Variants in ANK3 observed in about 807,000 individuals in gnomAD.
ANK3 encodes ankyrin-3.
Under a neutral mutation model 370.9 loss-of-function variants are expected in ANK3, and 57 were observed. The observed-to-expected ratio is 0.15, with a 90% CI of 0.12 to 0.19. The LOEUF is 0.19. ANK3 is among the 10% of genes least tolerant of loss of function. The pLI, the probability that ANK3 is intolerant of heterozygous loss-of-function variation, is 1.00. For synonymous variants in ANK3, 1,929 were observed against 1,946.3 expected (o/e 0.99, Z 0.23); for missense variants, 4,439 against 5,302.1 (o/e 0.84, Z 5.06).
intron 2 of ANK3, among the ~76,000 whole-genome samples, chr10:60,479,145 C>G (rs558149391): frequency 5.3e-4 from 81 of 152,170 alleles, no homozygotes; most frequent in African/African-American, 1.9e-3. Flanking sequence ...GTAATAAAAG[C>G]ATCATAGCAA....
chr10:60,603,039 C>T (rs1426947547), intron 2 of ANK3, among the ~76,000 whole-genome samples: 2 of 152,016 alleles, frequency 1.3e-5, no homozygotes, highest in African/African-American at 4.8e-5. Flanking sequence ...GTATCTGCTC[C>T]ACTCGTCTTG....
chr10:60,268,659 T>C (rs533909741), intron 5 of ANK3, among the ~76,000 whole-genome samples: 4 of 151,862 alleles, frequency 2.6e-5, no homozygotes, highest in Non-Finnish European at 5.9e-5. Context: ...AATATTTCTA[T>C]AATATAACTT....
At chr10:60,198,615 A>G in intron 13 of ANK3, 78 bp from the exon 14 acceptor site, 2 of 1,340,356 alleles carry the variant, frequency 1.5e-6, no homozygotes, top group Non-Finnish European at 1.1e-6. Context: ...AGGGAATATT[A>G]GCTGCTTGAT....
intron 26 of ANK3, 40 bp from the exon 27 acceptor site, chr10:60,109,094 T>C: frequency 2.0e-6 from 3 of 1,513,220 alleles, no homozygotes; most frequent in Non-Finnish European, 2.7e-6. Context: ...AGGACGGAAA[T>C]AAACTGTGCT....
chr10:60,054,797 A>G (rs2078824644), intron 42 of ANK3, among the ~76,000 whole-genome samples: 1 of 152,236 alleles, frequency 6.6e-6, no homozygotes, highest in South Asian at 2.1e-4. Context: ...TGCAAGTGCT[A>G]CTATTAATCT....
At chr10:60,174,805 T>C (rs1050955609) in intron 18 of ANK3, among the ~76,000 whole-genome samples, 1 of 152,070 alleles carries the variant, frequency 6.6e-6, no homozygotes, top group Admixed American at 6.5e-5. Context: ...GATGGGATCA[T>C]GGCTCACTGC....
chr10:60,290,148 C>T (rs2040994963), intron 1 of ANK3, among the ~76,000 whole-genome samples: 1 of 152,194 alleles, frequency 6.6e-6, no homozygotes, highest in South Asian at 2.1e-4. Context: ...CAACCAATTA[C>T]ACAAACGAAA....
chr10:60,083,391 G>A (rs565919979), intron 33 of ANK3, 101 bp downstream of exon 33: 55 of 1,246,798 alleles, frequency 4.4e-5, no homozygotes, highest in South Asian at 3.5e-4. Context: ...CAGATTTGAC[G>A]GGGTATTTCA....
intron 8 of ANK3, among the ~76,000 whole-genome samples, chr10:60,216,330 C>T (rs1410007874): frequency 6.6e-6 from 1 of 152,094 alleles, no homozygotes; most frequent in Non-Finnish European, 1.5e-5. Flanking sequence ...ACAGGGCATC[C>T]TTGTTTGTAC....
At chr10:60,670,180 C>G (rs1239842813) in intron 1 of ANK3, among the ~76,000 whole-genome samples, 1 of 152,062 alleles carries the variant, frequency 6.6e-6, no homozygotes, top group Non-Finnish European at 1.5e-5. Context: ...TCTGACCTCC[C>G]CCCAAACAAC....
At chr10:60,149,855 CCCA>C (rs2095021768) in intron 23 of ANK3, among the ~76,000 whole-genome samples, 1 of 152,172 alleles carries the variant, frequency 6.6e-6, no homozygotes, top group African/African-American at 2.4e-5. Flanking sequence ...ATTACAGGCA[CCCA>C]CCACCACGCC....
At chr10:60,562,860 T>A (rs958852) in intron 2 of ANK3, among the ~76,000 whole-genome samples, 102,562 of 151,628 alleles carry the variant, frequency 0.68, 35,382 homozygotes, top group South Asian at 0.88. Context: ...GACAAAGAAC[T>A]CCATTGTATG....
intron 2 of ANK3, among the ~76,000 whole-genome samples, chr10:60,472,295 AC>A (rs1456437212): frequency 6.6e-6 from 1 of 152,146 alleles, no homozygotes; most frequent in Non-Finnish European, 1.5e-5. Context: ...ATTATTTGAG[AC>A]TAACTCAAGG....
intron 1 of ANK3, among the ~76,000 whole-genome samples, chr10:60,365,376 C>T (rs1293543148): frequency 6.6e-6 from 1 of 152,086 alleles, no homozygotes; most frequent in Non-Finnish European, 1.5e-5. Context: ...CACCTATCAC[C>T]ATTTTCCTTG....
At chr10:60,199,516 A>G (rs1461855154) in intron 13 of ANK3, among the ~76,000 whole-genome samples, 1 of 152,170 alleles carries the variant, frequency 6.6e-6, no homozygotes, top group Non-Finnish European at 1.5e-5. Context: ...TAGAGACTGC[A>G]GACTTGTGCA....
At chr10:60,542,422 T>A (rs758862147) in intron 2 of ANK3, among the ~76,000 whole-genome samples, 1 of 151,922 alleles carries the variant, frequency 6.6e-6, no homozygotes, top group Non-Finnish European at 1.5e-5. Context: ...GGCTGTATTC[T>A]CTTTTATAAG....
At chr10:60,613,484 T>G (rs1291589261) in intron 2 of ANK3, among the ~76,000 whole-genome samples, 5 of 152,152 alleles carry the variant, frequency 3.3e-5, no homozygotes, top group Non-Finnish European at 7.4e-5. Flanking sequence ...ATTGAGAAAG[T>G]AAATACAATA....
At chr10:60,633,701 T>C (rs2078514882) in intron 1 of ANK3, among the ~76,000 whole-genome samples, 1 of 152,182 alleles carries the variant, frequency 6.6e-6, no homozygotes, top group Non-Finnish European at 1.5e-5. Context: ...ATTCCACCTC[T>C]TTGGTTTTCT....
chr10:60,335,337 G>T (rs2052561666), intron 1 of ANK3, among the ~76,000 whole-genome samples: 1 of 151,730 alleles, frequency 6.6e-6, no homozygotes, highest in African/African-American at 2.4e-5. Flanking sequence ...GCTACTGTGG[G>T]ACATTAAAAA....
Sources: gnomAD v4.1 joint callset for allele counts (sites outside exome capture counted in the v4.1 genomes callset) on GRCh38, gnomAD v4.1.1 for gene constraint, MANE v1.5 for transcripts, NCBI Gene and HGNC (gene_info 2026-07-23, HGNC 2026-07-21) for gene names.